Variants in ZC2HC1A observed in about 807,000 individuals in gnomAD.
The protein encoded by ZC2HC1A is zinc finger C2HC-type containing 1A, also known as zinc finger C2HC domain-containing protein 1A.
ZC2HC1A carries 28 observed loss-of-function variants against 40.7 expected under a neutral mutation model. The observed-to-expected ratio is 0.69, with a 90% CI of 0.51 to 0.94. The LOEUF is 0.94. Among genes scored for constraint, ZC2HC1A ranks in the 40% least tolerant of loss-of-function variants. The pLI is 0.00. For missense variants in ZC2HC1A, 389 were observed against 386.3 expected (o/e 1.01, Z -0.06); for synonymous variants, 129 against 129.2 (o/e 1.00, Z 0.01).
At chr8:78,675,250 A>G (rs1809543897) in intron 1 of ZC2HC1A, among the ~76,000 whole-genome samples, 1 of 151,764 alleles carries the variant, frequency 6.6e-6, no homozygotes, top group Non-Finnish European at 1.5e-5. Context: ...TATATGTATA[A>G]AATAATAATT....
chr8:78,677,115 A>G (rs1257800434), intron 2 of ZC2HC1A, among the ~76,000 whole-genome samples: 1 of 152,162 alleles, frequency 6.6e-6, no homozygotes, highest in Non-Finnish European at 1.5e-5. Flanking sequence ...CAAGACACGA[A>G]ATAATCCAGT....
At chr8:78,714,258 A>T (rs1343705562) in intron 7 of ZC2HC1A, among the ~76,000 whole-genome samples, 2 of 152,092 alleles carry the variant, frequency 1.3e-5, no homozygotes, top group African/African-American at 4.8e-5. Flanking sequence ...CATTTGTCTT[A>T]TCTGTAAATG....
intron 7 of ZC2HC1A, among the ~76,000 whole-genome samples, chr8:78,710,438 T>C (rs1445031818): frequency 6.6e-6 from 1 of 152,142 alleles, no homozygotes; most frequent in Non-Finnish European, 1.5e-5. Context: ...ATTGGATAAT[T>C]ACCTTTAGGT....
chr8:78,695,758 A>G (rs1810379996), intron 5 of ZC2HC1A, among the ~76,000 whole-genome samples: 1 of 152,150 alleles, frequency 6.6e-6, no homozygotes, highest in Admixed American at 6.5e-5. Flanking sequence ...AGTCTCATAG[A>G]CATTTGTTAA....
intron 1 of ZC2HC1A, among the ~76,000 whole-genome samples, chr8:78,672,358 T>C (rs956751452): frequency 1.3e-5 from 2 of 152,176 alleles, no homozygotes; most frequent in African/African-American, 4.8e-5. Flanking sequence ...TTGGTCCAAT[T>C]AATCTTAATA....
chr8:78,695,290 C>T (rs1306831944), intron 5 of ZC2HC1A, among the ~76,000 whole-genome samples: 2 of 152,094 alleles, frequency 1.3e-5, no homozygotes, highest in African/African-American at 2.4e-5. Flanking sequence ...GAAAGCAAAA[C>T]ATTTTTTGGA....
intron 7 of ZC2HC1A, among the ~76,000 whole-genome samples, chr8:78,714,468 A>G (rs1811037618): frequency 6.6e-6 from 1 of 152,144 alleles, no homozygotes; most frequent in Non-Finnish European, 1.5e-5. Context: ...TAACCTTTCT[A>G]TAAGTGATCA....
chr8:78,684,418 T>C (rs368435019), intron 3 of ZC2HC1A, among the ~76,000 whole-genome samples: 2 of 152,270 alleles, frequency 1.3e-5, no homozygotes, highest in South Asian at 2.1e-4. Flanking sequence ...TCATTCACTG[T>C]CATGAGGACG....
rs193098949 is a variant in ZC2HC1A at position 78,691,071 on chromosome 8, C to T, written c.504+1698C>T. Among the ~76,000 whole-genome samples the T allele has an allele frequency of 5.3e-5, 8 of 151,950 alleles. 1 individual carries two copies. The highest frequency in any genetic ancestry group is 8.8e-5 in the Non-Finnish European group (6 of 67,948). ...CCCTCCAACCTTTTGGCTTTTATTT[C>T]TTTTTTGTGATTTACTGCATGGGCT... On this transcript the variant is annotated intron_variant, in intron 5 of 8. Coordinates refer to ENST00000263849, the MANE Select transcript of ZC2HC1A (RefSeq NM_016010.3).
At chr8:78,686,375 A>C in intron 3 of ZC2HC1A, 92 bp from the exon 4 acceptor site, 1 of 1,064,650 alleles carries the variant, frequency 9.4e-7, no homozygotes, top group East Asian at 3.2e-5. Context: ...GAGAACATTT[A>C]AAATGATATG....
Position 78,686,458 on chromosome 8 carries a change from TA to T in ZC2HC1A, c.211-8del, listed in dbSNP as rs774851819. The stretch of plus-strand genomic sequence containing the variant: ...TTATTTATTTATTTATTTATTTATT[TA>T]TTTATAGCCAGAACCACCAAAGAAA... On this transcript the variant is annotated splice_region_variant and splice_polypyrimidine_tract_variant and intron_variant, in intron 3 of 8. Coordinates refer to ENST00000263849, the MANE Select transcript of ZC2HC1A (RefSeq NM_016010.3). 1 of 1,379,286 alleles carries T rather than the reference TA, an allele frequency of 7.3e-7. No individual in the cohort carries two copies. The highest frequency in any genetic ancestry group is 1.9e-5 in the South Asian group (1 of 53,004). 85.4% of individuals were successfully genotyped at this position (1,379,286 alleles called of 1,614,324 possible). A position where few individuals can be genotyped will look rare whatever the true frequency, so the allele number is the denominator to read the frequency against.
At chr8:78,710,577 T>C (rs1272441712) in intron 7 of ZC2HC1A, among the ~76,000 whole-genome samples, 2 of 152,072 alleles carry the variant, frequency 1.3e-5, no homozygotes, top group Non-Finnish European at 2.9e-5. Context: ...AATTTTAATT[T>C]CAGGAAGTTT....
Position 78,686,526 on chromosome 8 carries a change from C to T in ZC2HC1A, c.270C>T (p.Thr90=). Reference sequence around the variant, plus strand: ...GGAAACATGAAGAATTCATTGCTACCATAAGAGCAGCTAAAGGCCTTGATC... The same window carrying T: ...GGAAACATGAAGAATTCATTGCTACTATAAGAGCAGCTAAAGGCCTTGATC... ...WRRKHEEFIA[T]IRAAKGLDQA... is the part of the protein sequence containing the mutation. The change falls in exon 4 of 9, where the codon ACC becomes ACT. Residue 90 remains threonine (T), a synonymous_variant. Coordinates refer to ENST00000263849, the MANE Select transcript of ZC2HC1A (RefSeq NM_016010.3). 1.3e-6 allele frequency: 2 copies of T among 1,554,004 alleles called. No homozygotes were observed. Among genetic ancestry groups the T allele is most frequent in the Non-Finnish European group, 1.7e-6 (2 of 1,149,240 alleles).
At chr8:78,712,172 G>T (rs1336604128) in intron 7 of ZC2HC1A, 1 of 945,342 alleles carries the variant, frequency 1.1e-6, no homozygotes, top group African/African-American at 1.7e-5. Context: ...TTATATAATG[G>T]AATAACATAA....
At chr8:78,706,813 C>G (rs1810788000) in intron 7 of ZC2HC1A, among the ~76,000 whole-genome samples, 1 of 151,962 alleles carries the variant, frequency 6.6e-6, no homozygotes, top group South Asian at 2.1e-4. Flanking sequence ...CATTTTGCTT[C>G]TCAATTCAGA....
chr8:78,691,507 C>CT (rs1341622767), intron 5 of ZC2HC1A, among the ~76,000 whole-genome samples: 2 of 151,780 alleles, frequency 1.3e-5, no homozygotes, highest in Non-Finnish European at 2.9e-5. Flanking sequence ...TTTTGTATTT[C>CT]TTTTTTTAAA....
intron 3 of ZC2HC1A, among the ~76,000 whole-genome samples, chr8:78,684,718 G>A (rs546938326): frequency 6.6e-6 from 1 of 152,214 alleles, no homozygotes; most frequent in Non-Finnish European, 1.5e-5. Context: ...CAGCAAACAG[G>A]CTCTTGAGAC....
chr8:78,708,001 T>A (rs1250678856), intron 7 of ZC2HC1A, among the ~76,000 whole-genome samples: 2 of 152,144 alleles, frequency 1.3e-5, no homozygotes, highest in African/African-American at 4.8e-5. Context: ...AATTTTTGGT[T>A]AAGTGAAAAA....
intron 3 of ZC2HC1A, chr8:78,685,922 G>A (rs1809953515): frequency 6.6e-6 from 1 of 152,400 alleles, no homozygotes; most frequent in African/African-American, 2.4e-5. Context: ...GGAGCATAGT[G>A]CTAGCATCTG....
Sources: gnomAD v4.1 joint callset for allele counts (sites outside exome capture counted in the v4.1 genomes callset) on GRCh38, gnomAD v4.1.1 for gene constraint, MANE v1.5 for transcripts, NCBI Gene and HGNC (gene_info 2026-07-23, HGNC 2026-07-21) for gene names.